ATF6: variants seen among roughly 807,000 people sequenced by gnomAD.
The protein encoded by ATF6 is cyclic AMP-dependent transcription factor ATF-6 alpha.
Under a neutral mutation model 83.6 loss-of-function variants are expected in ATF6, and 53 were observed. That is an observed-to-expected ratio of 0.63 (90% confidence interval 0.51 to 0.80). ATF6 has a LOEUF of 0.80. Ranked by LOEUF, ATF6 falls within the 30% of genes least tolerant of loss-of-function variation. The pLI, the probability that ATF6 is intolerant of heterozygous loss-of-function variation, is 0.00. For missense variants in ATF6, 744 were observed against 797.9 expected (o/e 0.93, Z 0.81); for synonymous variants, 288 against 285.8 (o/e 1.01, Z -0.08).
intron 3 of ATF6, among the ~76,000 whole-genome samples, chr1:161,782,594 A>G (rs1014024653): frequency 6.6e-6 from 1 of 152,196 alleles, no homozygotes; most frequent in Non-Finnish European, 1.5e-5. Context: ...GCCAGCTGGG[A>G]ATAATTTATA....
At chr1:161,905,505 T>C (rs1687862629) in intron 14 of ATF6, among the ~76,000 whole-genome samples, 1 of 152,218 alleles carries the variant, frequency 6.6e-6, no homozygotes, top group Non-Finnish European at 1.5e-5. Flanking sequence ...GGCAATGTAA[T>C]CTTCAGGAAA....
At chr1:161,841,550 A>G (rs1686359349) in intron 9 of ATF6, among the ~76,000 whole-genome samples, 1 of 152,194 alleles carries the variant, frequency 6.6e-6, no homozygotes, top group South Asian at 2.1e-4. Flanking sequence ...TTCAAAATAT[A>G]TTCTAGCCAA....
Position 161,958,804 on chromosome 1 carries a change from C to T in ATF6, c.*150C>T. 1 of 641,404 alleles carries T rather than the reference C, an allele frequency of 1.6e-6. No homozygotes were observed. Among genetic ancestry groups the T allele is most frequent in the Non-Finnish European group, 2.5e-6 (1 of 397,196 alleles). 39.7% of individuals were successfully genotyped at this position (641,404 alleles called of 1,614,324 possible). The stretch of plus-strand genomic sequence containing the variant: ...AAAGAAGAAGAAATAAAAGAAGCTG[C>T]TCCATTTTTCATCATCTACCCATCT... On this transcript the variant is annotated 3_prime_UTR_variant, in exon 16 of 16. Coordinates refer to ENST00000367942, the MANE Select transcript of ATF6 (RefSeq NM_007348.4).
intron 14 of ATF6, among the ~76,000 whole-genome samples, chr1:161,905,703 G>A (rs1687865739): frequency 6.6e-6 from 1 of 152,134 alleles, no homozygotes; most frequent in Non-Finnish European, 1.5e-5. Flanking sequence ...TTGCTAATAA[G>A]TTTCAGAGGC....
rs954929196 is a variant in ATF6, at chr1:161,959,656, C to G, written c.*1002C>G. On this transcript the variant is annotated 3_prime_UTR_variant, in exon 16 of 16. Coordinates refer to ENST00000367942, the MANE Select transcript of ATF6 (RefSeq NM_007348.4). ...CTGCACTCCAGCCTGGGCGACAGAG[C>G]GAGACTCCGTCTCAAAAAAAAAAAA... 3.4e-5 allele frequency: 4 copies of G among 119,096 alleles called. No individual in the cohort carries two copies. The highest frequency in any genetic ancestry group is 1.1e-4 in the Admixed American group (1 of 9,020). The allele number at this position is 119,096 out of a possible 1,614,324, so 7.4% of individuals were successfully genotyped here.
At chr1:161,858,363 A>G (rs1405813627) in intron 12 of ATF6, among the ~76,000 whole-genome samples, 1 of 152,162 alleles carries the variant, frequency 6.6e-6, no homozygotes, top group African/African-American at 2.4e-5. Context: ...AGATCCAACT[A>G]TATATTGTTT....
In ATF6 at chr1:161,833,145, G is replaced by C. The variant is rs566798024; in HGVS notation, c.1187+11984G>C. On this transcript the variant is annotated intron_variant, in intron 9 of 15. Transcript: ENST00000367942. The stretch of plus-strand genomic sequence containing the variant: ...CCGCTGCTGATACCCAGGCAAACAG[G>C]GTCTGGAGTGGACCTCCAGTAAACT... Among the ~76,000 whole-genome samples, 6 of 152,266 alleles carry C rather than the reference G, an allele frequency of 3.9e-5. No individual in the cohort carries two copies. The South Asian group carries it at 1.0e-3, about 26-fold the overall frequency.
intron 7 of ATF6, among the ~76,000 whole-genome samples, chr1:161,813,622 G>A (rs188699561): frequency 3.3e-5 from 5 of 152,152 alleles, no homozygotes; most frequent in African/African-American, 1.2e-4. Context: ...GAAGGCTGTG[G>A]TGATTTACTA....
intron 2 of ATF6, among the ~76,000 whole-genome samples, chr1:161,779,532 A>T (rs573299143): frequency 6.6e-6 from 1 of 152,284 alleles, no homozygotes; most frequent in African/African-American, 2.4e-5. Flanking sequence ...TTCATTTTGC[A>T]TGAACTGGGC....
Position 161,863,182 on chromosome 1 carries a change from A to C in ATF6, c.1605-16A>C. On this transcript the variant is annotated splice_polypyrimidine_tract_variant and intron_variant, in intron 13 of 15. Transcript: ENST00000367942. Reference sequence around the variant, plus strand: ...ACTTTTTATTTTAGTAATACCTTATATTTTTCTTACTTTAGCAGGAACTCA... The same window carrying C: ...ACTTTTTATTTTAGTAATACCTTATCTTTTTCTTACTTTAGCAGGAACTCA... The C allele has an allele frequency of 6.8e-7, 1 of 1,467,406 alleles. No individual in the cohort carries two copies. The highest frequency in any genetic ancestry group is 9.5e-7 in the Non-Finnish European group (1 of 1,056,750). The allele number at this position is 1,467,406 out of a possible 1,614,324, so 90.9% of individuals were successfully genotyped here.
In ATF6 at chr1:161,960,009, A is replaced by G. The variant is rs1689062979; in HGVS notation, c.*1355A>G. On this transcript the variant is annotated 3_prime_UTR_variant, in exon 16 of 16. Transcript: ENST00000367942. The stretch of plus-strand genomic sequence containing the variant: ...ACGTGGATTCCTGCTGAGGGAGTGC[A>G]TCCCATAATATGGCAATAATTTTCA... 1 of 152,124 alleles carries G rather than the reference A, an allele frequency of 6.6e-6. No homozygotes were observed. Among genetic ancestry groups the G allele is most frequent in the South Asian group, 2.1e-4 (1 of 4,834 alleles). The allele number at this position is 152,124 out of a possible 1,614,324, so 9.4% of individuals were successfully genotyped here. A position where few individuals can be genotyped will look rare whatever the true frequency, so the allele number is the denominator to read the frequency against.
chr1:161,941,221 C>T (rs2101909939), intron 15 of ATF6, among the ~76,000 whole-genome samples: 1 of 152,164 alleles, frequency 6.6e-6, no homozygotes, highest in African/African-American at 2.4e-5. Context: ...TATTTTAGGC[C>T]CTGCTTAAAA....
At chr1:161,950,423 C>A (rs1425411876) in intron 15 of ATF6, among the ~76,000 whole-genome samples, 3 of 152,154 alleles carry the variant, frequency 2.0e-5, no homozygotes, top group African/African-American at 7.2e-5. Flanking sequence ...GTAGTCATTG[C>A]AGAGGTTTGG....
At chr1:161,830,625 G>A (rs1686031339) in intron 9 of ATF6, among the ~76,000 whole-genome samples, 1 of 152,142 alleles carries the variant, frequency 6.6e-6, no homozygotes, top group Non-Finnish European at 1.5e-5. Context: ...ACAGAACAGA[G>A]CCCTCAGAAA....
intron 6 of ATF6, among the ~76,000 whole-genome samples, chr1:161,793,986 A>G (rs1243336510): frequency 6.6e-6 from 1 of 152,068 alleles, no homozygotes; most frequent in Non-Finnish European, 1.5e-5. Context: ...GGCTCACTGC[A>G]ACTTCCACCT....
chr1:161,901,301 C>A (rs1226902714), intron 14 of ATF6, among the ~76,000 whole-genome samples: 1 of 151,826 alleles, frequency 6.6e-6, no homozygotes, highest in Non-Finnish European at 1.5e-5. Flanking sequence ...AGTTTTTCAA[C>A]CCTTGAGTAG....
chr1:161,905,269 T>A (rs896817895), intron 14 of ATF6, among the ~76,000 whole-genome samples: 1 of 152,188 alleles, frequency 6.6e-6, no homozygotes, highest in African/African-American at 2.4e-5. Context: ...TGAGGTAACT[T>A]TTGAGATTCT....
At chr1:161,957,494 G>A (rs1431821098) in intron 15 of ATF6, among the ~76,000 whole-genome samples, 1 of 152,140 alleles carries the variant, frequency 6.6e-6, no homozygotes. Context: ...TTATGTCTAA[G>A]TTTCATTGAC....
At position 161,916,108 on chromosome 1, in the gene ATF6, G is replaced by T. The variant is rs1460443076; in HGVS notation, c.1804+3728G>T. Among the ~76,000 whole-genome samples, 3 of 152,092 alleles carry T rather than the reference G, an allele frequency of 2.0e-5. No homozygotes were observed. The East Asian group carries it at 5.8e-4, about 29-fold the overall frequency. The stretch of plus-strand genomic sequence containing the variant: ...CTTTTGCCATTTCACTTCATGAAAT[G>T]CTCTTGCCCTTCCACTCCACTGAAA... On this transcript the variant is annotated intron_variant, in intron 15 of 15. Coordinates refer to ENST00000367942, the MANE Select transcript of ATF6 (RefSeq NM_007348.4).
Sources: allele counts gnomAD v4.1 joint callset (sites outside exome capture counted in the v4.1 genomes callset), GRCh38; gene constraint gnomAD v4.1.1; transcripts MANE v1.5; gene names NCBI Gene and HGNC (gene_info 2026-07-23, HGNC 2026-07-21).